CENPU: variants seen among roughly 807,000 people sequenced by gnomAD.
CENPU encodes the protein KSHV latent nuclear antigen interacting protein 1.
CENPU carries 46 observed loss-of-function variants against 56.7 expected under a neutral mutation model. The observed-to-expected ratio is 0.81, with a 90% CI of 0.64 to 1.04. The LOEUF (loss-of-function observed/expected upper bound fraction) is 1.04. CENPU is among the 50% of genes least tolerant of loss of function. The probability of loss-of-function intolerance (pLI) is 0.00; values close to 1 mark genes in which losing one functional copy is unlikely to be tolerated. For synonymous variants in CENPU, 166 were observed against 163.0 expected (o/e 1.02, Z -0.14); for missense variants, 510 against 490.1 (o/e 1.04, Z -0.38).
intron 11 of CENPU, among the ~76,000 whole-genome samples, chr4:184,700,405 G>A (rs1760494801): frequency 6.6e-6 from 1 of 152,162 alleles, no homozygotes; most frequent in Admixed American, 6.5e-5. Flanking sequence ...GTGAAGTATA[G>A]GTATGATTAT....
At position 184,695,514 on chromosome 4, in the gene CENPU, C is replaced by T; in HGVS notation, c.1144-113G>A. Reference sequence around the variant, plus strand: ...TGATTGAGCTTTCCATTAACTACTCCTCCTCTCATTTTTAACTAGGACCAT... The same window carrying T: ...TGATTGAGCTTTCCATTAACTACTCTTCCTCTCATTTTTAACTAGGACCAT... On this transcript the variant is annotated intron_variant, in intron 12 of 12. Transcript: ENST00000281453. The T allele has an allele frequency of 7.8e-6, 5 of 644,734 alleles. No homozygotes were observed. The South Asian group carries it at 8.3e-5, about 11-fold the overall frequency. The allele number at this position is 644,734 out of a possible 1,614,324, so 39.9% of individuals were successfully genotyped here. A position where few individuals can be genotyped will look rare whatever the true frequency, so the allele number is the denominator to read the frequency against.
chr4:184,719,985 T>C (rs909618015), intron 4 of CENPU, among the ~76,000 whole-genome samples: 2 of 152,054 alleles, frequency 1.3e-5, no homozygotes, highest in African/African-American at 2.4e-5. Flanking sequence ...TAAACATCCA[T>C]AAGCATCAAG....
chr4:184,719,449 C>A (rs1274931129), intron 4 of CENPU, among the ~76,000 whole-genome samples: 1 of 152,208 alleles, frequency 6.6e-6, no homozygotes, highest in East Asian at 1.9e-4. Context: ...ACAGAGGGAG[C>A]ATTTGGACTA....
intron 12 of CENPU, among the ~76,000 whole-genome samples, chr4:184,697,178 G>A (rs1157711644): frequency 2.0e-5 from 3 of 152,006 alleles, no homozygotes; most frequent in Non-Finnish European, 4.4e-5. Context: ...TATCACACCC[G>A]GCCTGTTTCT....
chr4:184,712,954 G>A lies in CENPU; in HGVS notation c.678C>T (p.Ala226=). 1 of 1,587,620 alleles carries A rather than the reference G, an allele frequency of 6.3e-7. No individual in the cohort carries two copies. Among genetic ancestry groups the A allele is most frequent in the South Asian group, 1.1e-5 (1 of 88,576 alleles). The change falls in exon 7 of 13, where the codon GCC becomes GCT. Residue 226 remains alanine, a synonymous_variant. Coordinates refer to ENST00000281453, the MANE Select transcript of CENPU (RefSeq NM_024629.4). ...AACATCATTCTCTACCTGAGCCTAT[G>A]GCTTTACTTCTTGATTTCTTCCTTT... ...HDKRKKSRSK[A]IGSDTSDIVH...
intron 7 of CENPU, among the ~76,000 whole-genome samples, chr4:184,711,897 C>T (rs548308141): frequency 6.0e-4 from 91 of 152,120 alleles, no homozygotes; most frequent in Middle Eastern, 3.4e-3. Context: ...CCAAGGCAGG[C>T]GGATCATGAG....
intron 8 of CENPU, 52 bp downstream of exon 8, chr4:184,710,020 T>A (rs1760868869): frequency 6.4e-6 from 6 of 944,292 alleles, no homozygotes; most frequent in Non-Finnish European, 9.8e-6. Flanking sequence ...GCAAAAATGG[T>A]GCTTCAGGGG....
At chr4:184,701,820 TA>T (rs1760543827) in intron 10 of CENPU, among the ~76,000 whole-genome samples, 1 of 152,212 alleles carries the variant, frequency 6.6e-6, no homozygotes, top group Non-Finnish European at 1.5e-5. Flanking sequence ...GTGACATTAA[TA>T]AAAGGCTTAA....
chr4:184,716,808 AAGGTT>A (rs1351024205), intron 5 of CENPU, among the ~76,000 whole-genome samples, 175 bp from the exon 6 acceptor site: 2 of 152,240 alleles, frequency 1.3e-5, no homozygotes, highest in Non-Finnish European at 2.9e-5. Flanking sequence ...ACCTAAATCA[AAGGTT>A]ACAATAATCA....
intron 3 of CENPU, 100 bp downstream of exon 3, chr4:184,728,818 A>C: frequency 1.2e-6 from 1 of 831,146 alleles, no homozygotes. Flanking sequence ...ACATGCAGGC[A>C]ACTAATTTTT....
intron 12 of CENPU, among the ~76,000 whole-genome samples, chr4:184,697,431 C>T (rs1760376674): frequency 6.6e-6 from 1 of 152,164 alleles, no homozygotes; most frequent in Non-Finnish European, 1.5e-5. Flanking sequence ...CTTACACAAT[C>T]AGCAATTCTA....
At chr4:184,703,161 T>A (rs1200067001) in intron 8 of CENPU, among the ~76,000 whole-genome samples, 1 of 152,200 alleles carries the variant, frequency 6.6e-6, no homozygotes, top group Non-Finnish European at 1.5e-5. Context: ...GTCATCTTAA[T>A]TCCCTGATAC....
chr4:184,719,440 C>T (rs925381279), intron 4 of CENPU, among the ~76,000 whole-genome samples: 4 of 152,196 alleles, frequency 2.6e-5, no homozygotes, highest in Non-Finnish European at 5.9e-5. Flanking sequence ...TGCCCACACA[C>T]AGAGGGAGCA....
chr4:184,699,197 G>A (rs1440436675), intron 11 of CENPU, among the ~76,000 whole-genome samples: 1 of 152,030 alleles, frequency 6.6e-6, no homozygotes, highest in Non-Finnish European at 1.5e-5. Context: ...GGGCACAGTG[G>A]CAGGCGCCTG....
At chr4:184,710,858 AG>A (rs1760899086) in intron 7 of CENPU, among the ~76,000 whole-genome samples, 1 of 152,006 alleles carries the variant, frequency 6.6e-6, no homozygotes, top group Admixed American at 6.5e-5. Context: ...TTTTTTTCTT[AG>A]AAAAATTTTT....
intron 12 of CENPU, among the ~76,000 whole-genome samples, chr4:184,697,034 C>A (rs1349060100): frequency 6.6e-6 from 1 of 151,980 alleles, no homozygotes; most frequent in East Asian, 1.9e-4. Context: ...GCATACACCA[C>A]CACACCTGGC....
intron 9 of CENPU, 49 bp from the exon 10 acceptor site, chr4:184,702,185 G>T: frequency 7.0e-7 from 1 of 1,424,702 alleles, no homozygotes; most frequent in Non-Finnish European, 9.9e-7. Context: ...AAAAGTAAAT[G>T]TTAATTAGTT....
Position 184,694,806 on chromosome 4 carries a change from C to T in CENPU, c.*482G>A, listed in dbSNP as rs111353554. 14 of 1,571,290 alleles carry T rather than the reference C, an allele frequency of 8.9e-6. No homozygotes were observed. In the African/African-American group the frequency reaches 1.2e-4, roughly 14 times the overall value. ...TAATTCACTATGAACACTTTTGTCA[C>T]CAGGCTATAATTTGCCTGATGTCTG... is the stretch of plus-strand genomic sequence containing the variant. On this transcript the variant is annotated 3_prime_UTR_variant, in exon 13 of 13. Coordinates refer to ENST00000281453, the MANE Select transcript of CENPU (RefSeq NM_024629.4).
intron 4 of CENPU, among the ~76,000 whole-genome samples, chr4:184,723,659 T>C (rs111910476): frequency 1.3e-5 from 2 of 151,292 alleles, no homozygotes; most frequent in Non-Finnish European, 2.9e-5. Context: ...CTGGCCAACA[T>C]GGTGAAACTC....
Sources: gnomAD v4.1 joint callset for allele counts (sites outside exome capture counted in the v4.1 genomes callset) on GRCh38, gnomAD v4.1.1 for gene constraint, MANE v1.5 for transcripts, NCBI Gene and HGNC (gene_info 2026-07-23, HGNC 2026-07-21) for gene names.